Variants in ATP8B3 observed in about 807,000 individuals in gnomAD.
ATP8B3 encodes the protein ATPase phospholipid transporting 8B3, also known as phospholipid-transporting ATPase IK.
Under a neutral mutation model 140.9 loss-of-function variants are expected in ATP8B3, and 141 were observed. The ratio of observed to expected loss-of-function variants is 1.00; its 90% CI spans 0.87 to 1.15. The LOEUF (loss-of-function observed/expected upper bound fraction) is 1.15. Ranked by LOEUF, ATP8B3 falls within the 50% of genes most tolerant of loss-of-function variation. The pLI, the probability that ATP8B3 is intolerant of heterozygous loss-of-function variation, is 0.00. For synonymous variants in ATP8B3, 765 were observed against 714.6 expected, an observed-to-expected ratio of 1.07 and a Z score of -1.13; for missense variants, 1,874 against 1,740.6, an observed-to-expected ratio of 1.08 and a Z score of -1.36.
intron 5 of ATP8B3, among the ~76,000 whole-genome samples, 169 bp downstream of exon 5, chr19:1,808,053 T>G (rs550098212): frequency 5.9e-5 from 9 of 152,354 alleles, no homozygotes; most frequent in African/African-American, 2.2e-4. Context: ...TCATTCAACA[T>G]GTACTGAGCG....
At position 1,806,691 on chromosome 19, in the gene ATP8B3, T is replaced by C. The variant is rs1249999123; in HGVS notation, c.616-2A>G. 9 of 1,560,682 alleles carry C rather than the reference T, an allele frequency of 5.8e-6. No homozygotes were observed. Among genetic ancestry groups the C allele is most frequent in the Non-Finnish European group, 7.8e-6 (9 of 1,152,982 alleles). On this transcript the variant is annotated splice_acceptor_variant, in intron 6 of 28. Transcript: ENST00000310127. LOFTEE classifies it high-confidence loss of function. The surrounding 1 kb of genome is among the most constrained non-coding windows in gnomAD (Gnocchi z 5.6). ...GGCTCTGTCACTCTTGTGTCTCCCC[T>C]GGGCCAGGAGGGAAAGGATCAGAGA...
chr19:1,807,236 A>T lies in ATP8B3; in HGVS notation c.547T>A (p.Phe183Ile). ...SIPDISTLPW[F>I]SLSTPMVCLL... ...CAGACCATAGGGGTACTGAGCGAGA[A>T]CCAGGGCAGCGTGGAGATGTCGGGA... The change falls in exon 6 of 29, where the codon TTC (phenylalanine) becomes ATC (isoleucine). Residue 183 changes from phenylalanine to isoleucine, a missense_variant. Phe to Ile is a conservative substitution (Grantham distance 21, BLOSUM62 0). Transcript: ENST00000310127. This position sits in a 1 kb window ranked among gnomAD's most constrained non-coding sequence, Gnocchi z 5.9. The T allele has an allele frequency of 6.2e-7, 1 of 1,612,848 alleles. No individual in the cohort carries two copies. Among genetic ancestry groups the T allele is most frequent in the Non-Finnish European group, 8.5e-7 (1 of 1,179,668 alleles).
In ATP8B3 at chr19:1,805,727, C is replaced by G. The variant is rs1463774156; in HGVS notation, c.821+161G>C. On this transcript the variant is annotated intron_variant, in intron 9 of 28. Transcript: ENST00000310127. The surrounding 1 kb of genome is among the most constrained non-coding windows in gnomAD (Gnocchi z 5.2). The stretch of plus-strand genomic sequence containing the variant: ...TGGGGAGGGTGGGCGTCTTCCTCCC[C>G]TCAGTGCCTGGCAGCACCCACGCCC... Among the ~76,000 whole-genome samples, 2 of 152,140 alleles carry G rather than the reference C, an allele frequency of 1.3e-5. No homozygotes were observed. Among genetic ancestry groups the G allele is most frequent in the East Asian group, 3.9e-4 (2 of 5,182 alleles).
intron 11 of ATP8B3, 55 bp downstream of exon 11, chr19:1,802,430 CAT>C: frequency 3.8e-6 from 3 of 786,872 alleles, no homozygotes; most frequent in East Asian, 4.8e-5. Context: ...TCCCCACATC[CAT>C]CTACCACGCT....
In ATP8B3 at chr19:1,805,403, G is replaced by A. The variant is rs371999607; in HGVS notation, c.875C>T (p.Ala292Val). Reference protein sequence around the residue: ...QALMVTHKELATIKKMASFQG... With the variant: ...QALMVTHKELVTIKKMASFQG... ...AAAGGACGCCATCTTCTTTATAGTGGCCAGTTCTTTGTGGGTGACCATCAG... is the reference window on the plus strand; with the variant it reads ...AAAGGACGCCATCTTCTTTATAGTGACCAGTTCTTTGTGGGTGACCATCAG... The change falls in exon 10 of 29, where the codon GCC (alanine) becomes GTC (valine). Residue 292 changes from alanine (A) to valine (V), a missense_variant. Transcript: ENST00000310127. This position sits in a 1 kb window ranked among gnomAD's most constrained non-coding sequence, Gnocchi z 5.2. 1.2e-5 allele frequency: 19 copies of A among 1,568,912 alleles called. No individual in the cohort carries two copies. Among genetic ancestry groups the A allele is most frequent in the South Asian group, 2.3e-5 (2 of 85,502 alleles).
chr19:1,796,495 C>T (rs940003293), intron 16 of ATP8B3, among the ~76,000 whole-genome samples: 1 of 152,244 alleles, frequency 6.6e-6, no homozygotes, highest in African/African-American at 2.4e-5. Flanking sequence ...TTAGCCCTGA[C>T]GATGACACGT....
At position 1,806,573 on chromosome 19, in the gene ATP8B3, G is replaced by A; in HGVS notation, c.677+55C>T. 6.5e-7 allele frequency: 1 copy of A among 1,548,376 alleles called. No homozygotes were observed. The highest frequency in any genetic ancestry group is 8.7e-7 in the Non-Finnish European group (1 of 1,146,338). Reference sequence around the variant, plus strand: ...GACACTTGCCGAGGCCGATGACCCTGCTGGGCTGGAGCCCCCGTGTCCCCG... The same window carrying A: ...GACACTTGCCGAGGCCGATGACCCTACTGGGCTGGAGCCCCCGTGTCCCCG... On this transcript the variant is annotated intron_variant, in intron 7 of 28. Transcript: ENST00000310127. This position sits in a 1 kb window ranked among gnomAD's most constrained non-coding sequence, Gnocchi z 5.6.
chr19:1,805,760 T>C lies in ATP8B3; in HGVS notation c.821+128A>G. ...CTGGCAGCACCCACGCCCCAGACAC[T>C]CATGGGGTGAGTGACCAAAGTCTCT... On this transcript the variant is annotated intron_variant, in intron 9 of 28. Transcript: ENST00000310127. The surrounding 1 kb of genome is among the most constrained non-coding windows in gnomAD (Gnocchi z 5.2). The C allele has an allele frequency of 8.8e-7, 1 of 1,138,606 alleles. No individual in the cohort carries two copies. Among genetic ancestry groups the C allele is most frequent in the Non-Finnish European group, 1.3e-6 (1 of 785,166 alleles). 70.5% of individuals were successfully genotyped at this position (1,138,606 alleles called of 1,614,324 possible).
At chr19:1,810,773 C>A (rs1600491346) in intron 2 of ATP8B3, 90 bp from the exon 3 acceptor site, 1 of 1,250,650 alleles carries the variant, frequency 8.0e-7, no homozygotes, top group Non-Finnish European at 1.1e-6. Flanking sequence ...GCCTAGGGGC[C>A]GACCCTCTCA....
chr19:1,810,315 T>G (rs1224389255), intron 3 of ATP8B3, among the ~76,000 whole-genome samples: 2 of 152,198 alleles, frequency 1.3e-5, no homozygotes, highest in East Asian at 3.9e-4. Flanking sequence ...TGGAGTGCAG[T>G]AGCACAATCG....
chr19:1,806,321 C>T lies in ATP8B3; in HGVS notation c.678-152G>A. Reference sequence around the variant, plus strand: ...CAGGAAGCCTTCCCCGGGCTCCCACCCCACTCCCCGCGGGTCCACGCTCCC... The same window carrying T: ...CAGGAAGCCTTCCCCGGGCTCCCACTCCACTCCCCGCGGGTCCACGCTCCC... On this transcript the variant is annotated intron_variant, in intron 7 of 28. Transcript: ENST00000310127. The surrounding 1 kb of genome is among the most constrained non-coding windows in gnomAD (Gnocchi z 5.6). 6.8e-7 allele frequency: 1 copy of T among 1,477,258 alleles called. No homozygotes were observed. The highest frequency in any genetic ancestry group is 8.9e-7 in the Non-Finnish European group (1 of 1,118,366). The allele number at this position is 1,477,258 out of a possible 1,614,324, so 91.5% of individuals were successfully genotyped here. A position where few individuals can be genotyped will look rare whatever the true frequency, so the allele number is the denominator to read the frequency against.
Position 1,782,944 on chromosome 19 carries a change from A to G in ATP8B3, c.*84T>C. On this transcript the variant is annotated 3_prime_UTR_variant, in exon 29 of 29. Coordinates refer to ENST00000310127, the MANE Select transcript of ATP8B3 (RefSeq NM_138813.4). ...CCATAGAAAATGATGAGCTAGGTGT[A>G]GGGGGGAGCTGTACTTCCTGGGAGG... is the stretch of plus-strand genomic sequence containing the variant. The G allele has an allele frequency of 6.7e-7, 1 of 1,491,306 alleles. No homozygotes were observed. The highest frequency in any genetic ancestry group is 9.1e-7 in the Non-Finnish European group (1 of 1,103,126). 92.4% of individuals were successfully genotyped at this position (1,491,306 alleles called of 1,614,324 possible). A position where few individuals can be genotyped will look rare whatever the true frequency, so the allele number is the denominator to read the frequency against.
chr19:1,784,903 C>T lies in ATP8B3; in HGVS notation c.3576G>A (p.Val1192=), dbSNP rs1568614381. 2 of 1,613,226 alleles carry T rather than the reference C, an allele frequency of 1.2e-6. No individual in the cohort carries two copies. Among genetic ancestry groups the T allele is most frequent in the Non-Finnish European group, 1.7e-6 (2 of 1,179,668 alleles). ...SVMSSPSILL[V]VLLSVSINTF... ...TGTTTATGGACACACTCAGCAGGAC[C>T]ACCAGCAGGATGGAGGGAGAGGACA... Residue 1192 remains valine, a synonymous_variant, in exon 28 of 29, where the codon GTG becomes GTA. Coordinates refer to ENST00000310127, the MANE Select transcript of ATP8B3 (RefSeq NM_138813.4).
intron 12 of ATP8B3, among the ~76,000 whole-genome samples, chr19:1,801,636 C>T (rs1261924836): frequency 1.3e-5 from 2 of 152,054 alleles, no homozygotes; most frequent in Non-Finnish European, 2.9e-5. Flanking sequence ...CCTATAGTCC[C>T]AGCTACTCGA....
rs755022423 is a variant in ATP8B3 at position 1,783,074 on chromosome 19, T to C, written c.3857A>G (p.Asp1286Gly). ...VSSDIASESL[D>G]PSDEEAASSP... Reference sequence around the variant, plus strand: ...CGAAGCTGCCTCTTCATCAGATGGGTCTAGGGATTCAGATGCTATGTCACT... The same window carrying C: ...CGAAGCTGCCTCTTCATCAGATGGGCCTAGGGATTCAGATGCTATGTCACT... The change falls in exon 29 of 29, where the codon GAC (aspartate) becomes GGC (glycine). Residue 1286 changes from aspartate (D) to glycine (G), a missense_variant. By Grantham distance (94) the Asp-to-Gly change is moderately conservative (BLOSUM62 -1). This residue lies in a region of ATP8B3 where 840 missense variants were observed against 760.9 expected (regional missense o/e 1.10). Transcript: ENST00000310127. The C allele has an allele frequency of 7.4e-6, 12 of 1,612,496 alleles. No homozygotes were observed. In the Admixed American group the frequency reaches 1.0e-4, roughly 13 times the overall value.
intron 16 of ATP8B3, 64 bp from the exon 17 acceptor site, chr19:1,796,329 G>C: frequency 3.6e-6 from 5 of 1,383,652 alleles, no homozygotes; most frequent in Non-Finnish European, 4.9e-6. Context: ...CCACAGTGCA[G>C]GGAGGAGATG....
intron 25 of ATP8B3, 28 bp from the exon 26 acceptor site, chr19:1,785,736 TGGGTGGG>T: frequency 1.1e-6 from 1 of 933,376 alleles, no homozygotes. Flanking sequence ...CTCTTGGGAT[TGGGTGGG>T]GGGCGGGGGA....
In ATP8B3 at chr19:1,806,654, T is replaced by C; in HGVS notation, c.651A>G (p.Arg217=). Reference sequence around the variant, plus strand: ...TCTTCCCCATCAGAATCTGGCAGGGTCTGTTGTTGATGGCTCTGTCACTCT... The same window carrying C: ...TCTTCCCCATCAGAATCTGGCAGGGCCTGTTGTTGATGGCTCTGTCACTCT... The part of the protein sequence containing the change: ...RHKSDRAINN[R]PCQILMGKSF... Residue 217 remains arginine, a synonymous_variant, in exon 7 of 29, where the codon AGA becomes AGG. Coordinates refer to ENST00000310127, the MANE Select transcript of ATP8B3 (RefSeq NM_138813.4). The surrounding 1 kb of genome is among the most constrained non-coding windows in gnomAD (Gnocchi z 5.6). 1.9e-6 allele frequency: 3 copies of C among 1,563,994 alleles called. No homozygotes were observed. Among genetic ancestry groups the C allele is most frequent in the Non-Finnish European group, 2.6e-6 (3 of 1,154,640 alleles).
chr19:1,811,591 A>G lies in ATP8B3; in HGVS notation c.146T>C (p.Val49Ala), dbSNP rs1282885234. The change falls in exon 2 of 29, where the codon GTG becomes GCG. Residue 49 changes from valine (V) to alanine (A), a missense_variant. Physicochemically the swap from Val to Ala is moderately conservative, Grantham distance 64. Coordinates refer to ENST00000310127, the MANE Select transcript of ATP8B3 (RefSeq NM_138813.4). ...GPAGIRGGET[V>A]IRAGMGDSPG... The stretch of plus-strand genomic sequence containing the variant: ...GGAGTCTCCCATCCCAGCTCTGATC[A>G]CCGTCTCACCTCCGCGGATGCCAGC... The G allele has an allele frequency of 4.3e-6, 7 of 1,611,910 alleles. No homozygotes were observed. In the East Asian group the frequency reaches 1.6e-4, roughly 36 times the overall value.
Sources: allele counts gnomAD v4.1 joint callset (sites outside exome capture counted in the v4.1 genomes callset), GRCh38; gene constraint gnomAD v4.1.1; regional missense constraint gnomAD v4.1.1; non-coding constraint Gnocchi (gnomAD v3.1); transcripts MANE v1.5; gene names NCBI Gene and HGNC (gene_info 2026-07-23, HGNC 2026-07-21).